MOG: variants seen among roughly 807,000 people sequenced by gnomAD.
MOG encodes the protein myelin oligodendrocyte glycoprotein.
MOG carries 20 observed loss-of-function variants against 35.9 expected under a neutral mutation model. The observed-to-expected ratio is 0.56, with a 90% CI of 0.39 to 0.81. The LOEUF is 0.81. MOG is among the 30% of genes least tolerant of loss of function. The pLI, the probability that MOG is intolerant of heterozygous loss-of-function variation, is 0.00. For missense variants in MOG, 251 were observed against 301.0 expected, an observed-to-expected ratio of 0.83 and a Z score of 1.23; for synonymous variants, 92 against 114.3, an observed-to-expected ratio of 0.80 and a Z score of 1.25.
Position 29,670,004 on chromosome 6 carries a change from C to G in MOG, c.593-277C>G. On this transcript the variant is annotated intron_variant, in intron 5 of 7. Transcript: ENST00000376917. This position sits in a 1 kb window ranked among gnomAD's most constrained non-coding sequence, Gnocchi z 4.2. The stretch of plus-strand genomic sequence containing the variant: ...CTGGCTGGTCTTGAACTCTTGGCCT[C>G]ATGATCCACCCGTCTCGGACTCCCA... The G allele has an allele frequency of 2.9e-6, 2 of 689,714 alleles. No individual in the cohort carries two copies. Among genetic ancestry groups the G allele is most frequent in the African/African-American group, 1.8e-5 (1 of 56,594 alleles). The allele number at this position is 689,714 out of a possible 1,614,324, so 42.7% of individuals were successfully genotyped here.
At chr6:29,661,960 G>C in intron 2 of MOG, 2 of 985,314 alleles carry the variant, frequency 2.0e-6, no homozygotes, top group Non-Finnish European at 2.4e-6. Flanking sequence ...CTAAGAAACT[G>C]TTTTACAAGT....
At chr6:29,664,399 G>T (rs1056044337) in intron 2 of MOG, among the ~76,000 whole-genome samples, 1 of 151,708 alleles carries the variant, frequency 6.6e-6, no homozygotes, top group Non-Finnish European at 1.5e-5. Flanking sequence ...TAGAGAGAGG[G>T]TTTCACCATG....
chr6:29,671,137 CAT>C (rs758418585), intron 7 of MOG, 33 bp from the exon 8 acceptor site: 7 of 1,612,932 alleles, frequency 4.3e-6, no homozygotes, highest in Non-Finnish European at 5.9e-6. Context: ...AAACTACTGA[CAT>C]ACGTTTTTCA....
chr6:29,670,722 G>C lies in MOG; in HGVS notation c.730+1G>C. 6.2e-7 allele frequency: 1 copy of C among 1,612,206 alleles called. No homozygotes were observed. The highest frequency in any genetic ancestry group is 8.5e-7 in the Non-Finnish European group (1 of 1,179,544). On this transcript the variant is annotated splice_donor_variant, in intron 7 of 7. Coordinates refer to ENST00000376917, the MANE Select transcript of MOG (RefSeq NM_206809.4). LOFTEE classifies it high-confidence loss of function. The surrounding 1 kb of genome is among the most constrained non-coding windows in gnomAD (Gnocchi z 4.2). ...TCAGGGCAATTCCTTGAAGAGCTACGTAAGTTCTCTTCTCTCTGTTATAAG... is the reference window on the plus strand; with the variant it reads ...TCAGGGCAATTCCTTGAAGAGCTACCTAAGTTCTCTTCTCTCTGTTATAAG...
Position 29,662,079 on chromosome 6 carries a change from C to T in MOG, c.436+2413C>T, listed in dbSNP as rs1768922868. On this transcript the variant is annotated intron_variant, in intron 2 of 7. Coordinates refer to ENST00000376917, the MANE Select transcript of MOG (RefSeq NM_206809.4). This position sits in a 1 kb window ranked among gnomAD's most constrained non-coding sequence, Gnocchi z 4.2. ...AGTCTCAGGTGTAACTACCTCTGCT[C>T]TTTCTCTGAAGAGTTTCTAATTTCT... The T allele has an allele frequency of 1.0e-6, 1 of 985,398 alleles. No homozygotes were observed. Among genetic ancestry groups the T allele is most frequent in the Non-Finnish European group, 1.2e-6 (1 of 829,918 alleles). The allele number at this position is 985,398 out of a possible 1,614,324, so 61.0% of individuals were successfully genotyped here. A position where few individuals can be genotyped will look rare whatever the true frequency, so the allele number is the denominator to read the frequency against.
chr6:29,661,175 G>A lies in MOG; in HGVS notation c.436+1509G>A, dbSNP rs184130677. Among the ~76,000 whole-genome samples, 174 of 152,182 alleles carry A rather than the reference G, an allele frequency of 1.1e-3. 1 individual carries two copies. The highest frequency in any genetic ancestry group is 3.4e-3 in the Middle Eastern group (1 of 294). On this transcript the variant is annotated intron_variant, in intron 2 of 7. Transcript: ENST00000376917. ...AACTAAACTGCTTTGAGAGCCTGGG[G>A]GTCAGATCCTCTGCCTTTTCCTCCT...
At chr6:29,669,156 G>A (rs1004094733) in intron 5 of MOG, among the ~76,000 whole-genome samples, 42 of 152,022 alleles carry the variant, frequency 2.8e-4, no homozygotes, top group Non-Finnish European at 5.4e-4. Context: ...CCTGACCTCA[G>A]GTGATCCACC....
chr6:29,666,897 A>C (rs1770337728), intron 3 of MOG, among the ~76,000 whole-genome samples: 1 of 152,142 alleles, frequency 6.6e-6, no homozygotes, highest in East Asian at 1.9e-4. Flanking sequence ...ATTTGTTACT[A>C]AGAGGAGAGG....
At position 29,659,463 on chromosome 6, in the gene MOG, A is replaced by G. The variant is rs892173248; in HGVS notation, c.233A>G (p.His78Arg). The G allele has an allele frequency of 3.1e-6, 5 of 1,612,936 alleles. No homozygotes were observed. In the African/African-American group the frequency reaches 5.3e-5, roughly 17 times the overall value. ...CGCCCCCCCTTCTCTAGGGTGGTTC[A>G]TCTCTACAGAAATGGCAAGGACCAA... ...WYRPPFSRVV[H>R]LYRNGKDQDG... Residue 78 changes from histidine to arginine, a missense_variant, in exon 2 of 8, where the codon CAT (histidine) becomes CGT (arginine). Physicochemically the swap from His to Arg is conservative, Grantham distance 29. Coordinates refer to ENST00000376917, the MANE Select transcript of MOG (RefSeq NM_206809.4).
chr6:29,657,779 G>C (rs1767491961), intron 1 of MOG, among the ~76,000 whole-genome samples: 1 of 150,580 alleles, frequency 6.6e-6, no homozygotes, highest in East Asian at 1.9e-4. Context: ...AAAGTACTGG[G>C]ATTATGGGCG....
chr6:29,660,943 A>G (rs1046639536), intron 2 of MOG, among the ~76,000 whole-genome samples: 4 of 152,104 alleles, frequency 2.6e-5, no homozygotes, highest in Non-Finnish European at 5.9e-5. Flanking sequence ...TCCTGACCTC[A>G]GGTGATCCAC....
At chr6:29,657,499 T>C (rs1767366843) in intron 1 of MOG, among the ~76,000 whole-genome samples, 1 of 151,908 alleles carries the variant, frequency 6.6e-6, no homozygotes, top group African/African-American at 2.4e-5. Context: ...CTTTTTTTTT[T>C]TTGAGACAGA....
intron 2 of MOG, chr6:29,663,942 T>C: frequency 1.0e-6 from 1 of 968,046 alleles, no homozygotes; most frequent in Non-Finnish European, 1.2e-6. Context: ...GATGTATCCC[T>C]ACCTTTGATG....
chr6:29,657,614 G>A (rs1270474166), intron 1 of MOG, among the ~76,000 whole-genome samples: 1 of 151,036 alleles, frequency 6.6e-6, no homozygotes, highest in Non-Finnish European at 1.5e-5. Context: ...CTCCCAAGTA[G>A]CGGAGACTAC....
chr6:29,670,900 T>C lies in MOG; in HGVS notation c.730+179T>C. On this transcript the variant is annotated intron_variant, in intron 7 of 7. Transcript: ENST00000376917. This position sits in a 1 kb window ranked among gnomAD's most constrained non-coding sequence, Gnocchi z 4.2. ...GGTAGAGGGCAAAGAAGCCAGCTGT[T>C]AGAGACACATTTACAGGTGGCAGAG... 6.2e-7 allele frequency: 1 copy of C among 1,602,592 alleles called. No homozygotes were observed. Among genetic ancestry groups the C allele is most frequent in the Non-Finnish European group, 8.5e-7 (1 of 1,174,742 alleles).
Position 29,671,326 on chromosome 6 carries a change from T to A in MOG, c.*141T>A. On this transcript the variant is annotated 3_prime_UTR_variant, in exon 8 of 8. Coordinates refer to ENST00000376917, the MANE Select transcript of MOG (RefSeq NM_206809.4). ...CCAATTTGCACTTTCAGGAACACTC[T>A]GAATTCCAAGTAGAATTGATTTCCC... is the stretch of plus-strand genomic sequence containing the variant. 1 of 1,611,846 alleles carries A rather than the reference T, an allele frequency of 6.2e-7. No homozygotes were observed. The highest frequency in any genetic ancestry group is 2.2e-5 in the East Asian group (1 of 44,890).
rs1372874931 is a variant in MOG at position 29,671,563 on chromosome 6, T to C, written c.*378T>C. On this transcript the variant is annotated 3_prime_UTR_variant, in exon 8 of 8. Transcript: ENST00000376917. The stretch of plus-strand genomic sequence containing the variant: ...AATCTCCTCACTGAAAATTACAGTA[T>C]GGTAACTTTGCAAATGGTGGTTGTT... The C allele has an allele frequency of 2.4e-6, 2 of 829,858 alleles. No individual in the cohort carries two copies. Among genetic ancestry groups the C allele is most frequent in the South Asian group, 1.4e-5 (1 of 74,026 alleles). 51.4% of individuals were successfully genotyped at this position (829,858 alleles called of 1,614,324 possible).
intron 7 of MOG, 23 bp from the exon 8 acceptor site, chr6:29,671,149 A>C (rs1248820713): frequency 1.9e-6 from 3 of 1,612,876 alleles, no homozygotes; most frequent in Non-Finnish European, 2.5e-6. Flanking sequence ...TACGTTTTTC[A>C]AGTTATTTTC....
chr6:29,659,927 A>G (rs1768136191), intron 2 of MOG: 2 of 582,116 alleles, frequency 3.4e-6, no homozygotes, highest in Admixed American at 6.0e-5. Context: ...TACTGTGAAT[A>G]TTATGCAGGC....
Sources: gnomAD v4.1 joint callset for allele counts (sites outside exome capture counted in the v4.1 genomes callset) on GRCh38, gnomAD v4.1.1 for gene constraint, Gnocchi (gnomAD v3.1) non-coding constraint, MANE v1.5 for transcripts, NCBI Gene and HGNC (gene_info 2026-07-23, HGNC 2026-07-21) for gene names.